The following SLC24A2 variants were observed in gnomAD, a reference collection of about 807,000 sequenced individuals.
SLC24A2 encodes solute carrier family 24 member 2.
SLC24A2 carries 36 observed loss-of-function variants against 62.0 expected under a neutral mutation model. The ratio of observed to expected loss-of-function variants is 0.58; its 90% CI spans 0.44 to 0.77. The LOEUF (loss-of-function observed/expected upper bound fraction) is 0.77. Ranked by LOEUF, SLC24A2 falls within the 30% of genes least tolerant of loss-of-function variation. SLC24A2 has a pLI of 0.00. For missense variants in SLC24A2, 846 were observed against 817.9 expected (o/e 1.03, Z -0.42); for synonymous variants, 358 against 294.0 (o/e 1.22, Z -2.23).
the SLC24A2 span, among the ~76,000 whole-genome samples, chr9:20,008,815 G>A: frequency 6.6e-6 from 1 of 152,054 alleles, no homozygotes; most frequent in African/African-American, 2.4e-5. Flanking sequence ...AGCACTCAGG[G>A]CCTTCAGTTT....
intron 7 of SLC24A2, among the ~76,000 whole-genome samples, chr9:19,563,053 C>T (rs1212667963): frequency 1.3e-5 from 2 of 152,120 alleles, no homozygotes; most frequent in African/African-American, 4.8e-5. Context: ...CTGCAGTGAG[C>T]CATGACTGCA....
At chr9:19,542,292 T>C (rs892409507) in intron 8 of SLC24A2, among the ~76,000 whole-genome samples, 8 of 152,356 alleles carry the variant, frequency 5.3e-5, no homozygotes, top group African/African-American at 1.9e-4. Context: ...ACATTGATAT[T>C]GTATCCTGAG....
chr9:20,271,378 G>C, the SLC24A2 span, among the ~76,000 whole-genome samples: 2 of 152,230 alleles, frequency 1.3e-5, no homozygotes, highest in African/African-American at 4.8e-5. Flanking sequence ...TCAAGAGTGA[G>C]ACTGTGTGTC....
the SLC24A2 span, among the ~76,000 whole-genome samples, chr9:19,863,911 TA>T: frequency 6.6e-6 from 1 of 151,834 alleles, no homozygotes; most frequent in Non-Finnish European, 1.5e-5. Context: ...GTTGTTTTTT[TA>T]AAAAGTTAAA....
chr9:20,096,024 A>G, the SLC24A2 span, among the ~76,000 whole-genome samples: 7 of 152,250 alleles, frequency 4.6e-5, no homozygotes, highest in East Asian at 9.7e-4. Flanking sequence ...GGGAGCTACA[A>G]TTGAAGATGA....
chr9:19,587,876 G>A (rs1056927256), intron 5 of SLC24A2, among the ~76,000 whole-genome samples: 2 of 152,116 alleles, frequency 1.3e-5, no homozygotes, highest in African/African-American at 2.4e-5. Context: ...CAATCTTTCT[G>A]CTTTTACTGC....
chr9:20,187,520 C>G, the SLC24A2 span, among the ~76,000 whole-genome samples: 260 of 152,330 alleles, frequency 1.7e-3, 3 homozygotes, highest in South Asian at 0.029. Flanking sequence ...TTCTTCAGCT[C>G]TCAGCTGCAG....
intron 2 of SLC24A2, among the ~76,000 whole-genome samples, chr9:19,706,594 G>T (rs923694120): frequency 5.9e-5 from 9 of 151,962 alleles, no homozygotes; most frequent in Non-Finnish European, 1.2e-4. Flanking sequence ...TAGCCAGGAT[G>T]GTCTCGATCT....
At position 19,573,404 on chromosome 9, in the gene SLC24A2, C is replaced by T; in HGVS notation, c.1294G>A (p.Glu432Lys). 1 of 1,613,724 alleles carries T rather than the reference C, an allele frequency of 6.2e-7. No individual in the cohort carries two copies. Among genetic ancestry groups the T allele is most frequent in the Non-Finnish European group, 8.5e-7 (1 of 1,179,824 alleles). The change falls in exon 7 of 11, where the codon GAA becomes AAA. Residue 432 changes from glutamate to lysine, a missense_variant. Physicochemically the swap from Glu to Lys is moderately conservative, Grantham distance 56 (BLOSUM62 1). Coordinates refer to ENST00000341998, the MANE Select transcript of SLC24A2 (RefSeq NM_020344.4). ...GAGAGATTTCCATTTTGTACAGGTT[C>T]TGAAGCATCACTGGATGGTGTCATT... ...VEMTPSSDAS[E>K]PVQNGNLSHN... is the part of the protein sequence containing the mutation.
chr9:20,267,221 C>A, the SLC24A2 span, among the ~76,000 whole-genome samples: 3 of 152,330 alleles, frequency 2.0e-5, no homozygotes, highest in Non-Finnish European at 2.9e-5. Flanking sequence ...TAAATGGCTT[C>A]TTTAATCACA....
intron 8 of SLC24A2, among the ~76,000 whole-genome samples, chr9:19,544,158 G>T (rs903917587): frequency 6.6e-6 from 1 of 151,892 alleles, no homozygotes; most frequent in East Asian, 1.9e-4. Context: ...TCTTCTTGTT[G>T]CATTGATCCC....
intron 9 of SLC24A2, among the ~76,000 whole-genome samples, chr9:19,523,547 T>C (rs1452287208): frequency 6.6e-6 from 1 of 151,188 alleles, no homozygotes; most frequent in African/African-American, 2.4e-5. Flanking sequence ...ACTGAAACAT[T>C]TGCTTCCTGG....
intron 2 of SLC24A2, among the ~76,000 whole-genome samples, chr9:19,636,369 TTCTTTCTTTCTTTCTTTCTCCC>T (rs1818347083): frequency 2.9e-5 from 1 of 34,972 alleles, no homozygotes; most frequent in African/African-American, 1.3e-4. Context: ...CTTTCTTTCT[TTCTTTCTTTCTTTCTTTCTCCC>T]TCTCTCTCTC....
the SLC24A2 span, among the ~76,000 whole-genome samples, chr9:20,276,878 G>C: frequency 1.3e-5 from 2 of 152,184 alleles, no homozygotes; most frequent in Non-Finnish European, 1.5e-5. Context: ...GCCCCTTTTA[G>C]CCACTGCTGG....
chr9:20,012,383 G>A, the SLC24A2 span, among the ~76,000 whole-genome samples: 16 of 152,180 alleles, frequency 1.1e-4, no homozygotes, highest in East Asian at 5.8e-4. Flanking sequence ...TGAGAACAGC[G>A]CAGGAAAGAC....
intron 2 of SLC24A2, among the ~76,000 whole-genome samples, chr9:19,673,524 C>T (rs1819479370): frequency 6.6e-6 from 1 of 152,132 alleles, no homozygotes; most frequent in Admixed American, 6.6e-5. Context: ...TATCAGTTCA[C>T]TGCAACCTCT....
the SLC24A2 span, among the ~76,000 whole-genome samples, chr9:19,866,515 A>G: frequency 2.0e-5 from 3 of 152,160 alleles, no homozygotes; most frequent in Admixed American, 2.0e-4. Context: ...AGTATTATTC[A>G]GCCATAAAAT....
chr9:20,255,479 G>A, the SLC24A2 span, among the ~76,000 whole-genome samples: 1 of 152,196 alleles, frequency 6.6e-6, no homozygotes, highest in Admixed American at 6.5e-5. Context: ...ACAGGACATA[G>A]CTCATATCTG....
the SLC24A2 span, among the ~76,000 whole-genome samples, chr9:19,871,233 C>T: frequency 8.5e-5 from 13 of 152,172 alleles, no homozygotes; most frequent in South Asian, 4.2e-4. Context: ...ATAAGTTATC[C>T]GTTATTCATA....
Sources: allele counts gnomAD v4.1 joint callset (sites outside exome capture counted in the v4.1 genomes callset), GRCh38; gene constraint gnomAD v4.1.1; transcripts MANE v1.5; gene names NCBI Gene and HGNC (gene_info 2026-07-23, HGNC 2026-07-21).